The following CEP128 variants were observed in gnomAD, a reference collection of about 807,000 sequenced individuals.
CEP128 encodes centrosomal protein 128.
A neutral mutation model predicts 156.7 loss-of-function variants in CEP128; 132 were observed. The ratio of observed to expected loss-of-function variants is 0.84; its 90% CI spans 0.73 to 0.97. The LOEUF (loss-of-function observed/expected upper bound fraction) is 0.97, where lower values mean the gene tolerates loss of function less well. CEP128 is among the 50% of genes least tolerant of loss of function. The pLI, the probability that CEP128 is intolerant of heterozygous loss-of-function variation, is 0.00. For synonymous variants in CEP128, 469 were observed against 448.9 expected, an observed-to-expected ratio of 1.04 and a Z score of -0.57; for missense variants, 1,252 against 1,281.9, an observed-to-expected ratio of 0.98 and a Z score of 0.36.
chr14:80,528,257 TA>T (rs1051325693), intron 22 of CEP128, among the ~76,000 whole-genome samples: 93 of 152,366 alleles, frequency 6.1e-4, no homozygotes, highest in African/African-American at 2.1e-3. Context: ...ATCAAAAATG[TA>T]ATGTTTAAAT....
chr14:80,816,313 G>A lies in CEP128; in HGVS notation c.1209+14830C>T, dbSNP rs140061245. The stretch of plus-strand genomic sequence containing the variant: ...ATAGGGCTACAGATTCACCCACAGA[G>A]CGGCAGGCCCCTAGCTTGGTATTGC... On this transcript the variant is annotated intron_variant, in intron 13 of 24. Transcript: ENST00000555265. 5.1e-4 allele frequency among the ~76,000 whole-genome samples: 78 copies of A among 152,214 alleles called. 1 individual carries two copies. Among genetic ancestry groups the A allele is most frequent in the Middle Eastern group, 3.4e-3 (1 of 294 alleles).
chr14:80,641,260 A>T (rs1399667557), intron 19 of CEP128, among the ~76,000 whole-genome samples: 1 of 152,172 alleles, frequency 6.6e-6, no homozygotes, highest in Admixed American at 6.5e-5. Flanking sequence ...TCATTCTCTA[A>T]TGCAACTGCC....
chr14:80,937,049 G>A (rs1207534544), intron 2 of CEP128, among the ~76,000 whole-genome samples: 3 of 152,158 alleles, frequency 2.0e-5, no homozygotes, highest in African/African-American at 7.2e-5. Flanking sequence ...CAGGCGCAGT[G>A]GCCCATGCCT....
chr14:80,678,049 A>AAAATATATATATATATATAT, intron 19 of CEP128, among the ~76,000 whole-genome samples: 21 of 98,492 alleles, frequency 2.1e-4, no homozygotes, highest in African/African-American at 6.3e-4. Context: ...ATAAAAAAAA[A>AAAATATATATATATATATAT]ATATATATAT....
intron 19 of CEP128, among the ~76,000 whole-genome samples, chr14:80,740,301 G>C (rs906041213): frequency 1.3e-5 from 2 of 152,022 alleles, no homozygotes; most frequent in Non-Finnish European, 2.9e-5. Context: ...CTCTATGCTA[G>C]GTGATACATA....
At chr14:80,508,409 C>T (rs1230146983) in intron 23 of CEP128, among the ~76,000 whole-genome samples, 1 of 152,098 alleles carries the variant, frequency 6.6e-6, no homozygotes, top group Non-Finnish European at 1.5e-5. Flanking sequence ...TTATAAATAT[C>T]TATTTGTATG....
intron 13 of CEP128, among the ~76,000 whole-genome samples, chr14:80,824,999 C>T (rs1885392666): frequency 2.0e-5 from 3 of 152,102 alleles, no homozygotes; most frequent in South Asian, 2.1e-4. Context: ...TCAGAGTCAT[C>T]GCGGAAGGTG....
chr14:80,645,237 C>T (rs1021881954), intron 19 of CEP128, among the ~76,000 whole-genome samples: 4 of 152,070 alleles, frequency 2.6e-5, no homozygotes, highest in Admixed American at 2.0e-4. Context: ...AATGGTTTTA[C>T]TTTTTAAAAC....
At chr14:80,761,293 C>T (rs1899954148) in intron 17 of CEP128, 144 bp downstream of exon 17, 1 of 565,318 alleles carries the variant, frequency 1.8e-6, no homozygotes, top group Non-Finnish European at 3.0e-6. Flanking sequence ...GATCCAGCGC[C>T]TTATTCTAAA....
intron 19 of CEP128, among the ~76,000 whole-genome samples, chr14:80,616,761 G>A (rs1388438664): frequency 1.3e-5 from 2 of 152,138 alleles, no homozygotes; most frequent in East Asian, 3.9e-4. Context: ...AATCATCAAG[G>A]TGTAACTGTA....
intron 16 of CEP128, among the ~76,000 whole-genome samples, chr14:80,763,903 G>A (rs967694775): frequency 8.5e-5 from 13 of 152,240 alleles, no homozygotes; most frequent in Admixed American, 2.6e-4. Context: ...TCCTGATGGT[G>A]CAGTATTTTC....
chr14:80,895,303 G>A (rs1404126463), intron 8 of CEP128, among the ~76,000 whole-genome samples: 1 of 152,096 alleles, frequency 6.6e-6, no homozygotes, highest in Admixed American at 6.6e-5. Flanking sequence ...TTACACACAT[G>A]TGAGATGACC....
intron 19 of CEP128, among the ~76,000 whole-genome samples, chr14:80,590,881 C>T (rs985853241): frequency 5.3e-5 from 8 of 152,136 alleles, no homozygotes; most frequent in African/African-American, 1.2e-4. Context: ...GAATTTTCAA[C>T]CCAGAATTTC....
At chr14:80,712,868 C>G (rs1371757783) in intron 19 of CEP128, among the ~76,000 whole-genome samples, 1 of 152,062 alleles carries the variant, frequency 6.6e-6, no homozygotes, top group East Asian at 1.9e-4. Flanking sequence ...CTTGCATTTC[C>G]CCATTATATC....
chr14:80,740,531 TAGATAGATAGATAGACAGAC>T (rs1443056989), intron 19 of CEP128, among the ~76,000 whole-genome samples: 7 of 132,618 alleles, frequency 5.3e-5, no homozygotes, highest in African/African-American at 8.0e-5. Context: ...GATAGATAGA[TAGATAGATAGATAGACAGAC>T]AGATAGATAG....
At chr14:80,602,814 T>C (rs1892633813) in intron 19 of CEP128, among the ~76,000 whole-genome samples, 1 of 151,888 alleles carries the variant, frequency 6.6e-6, no homozygotes, top group Non-Finnish European at 1.5e-5. Flanking sequence ...GGAATGAAAT[T>C]ATACAAAGTA....
chr14:80,873,644 G>A (rs1307425473), intron 8 of CEP128, among the ~76,000 whole-genome samples: 1 of 152,058 alleles, frequency 6.6e-6, no homozygotes, highest in Non-Finnish European at 1.5e-5. Flanking sequence ...AAGGATATCT[G>A]AATTTAGATC....
intron 23 of CEP128, among the ~76,000 whole-genome samples, chr14:80,506,397 C>A (rs1887974651): frequency 1.7e-5 from 2 of 120,484 alleles, no homozygotes; most frequent in South Asian, 3.0e-4. Context: ...AGAAGGATGA[C>A]AAGCTTTGAT....
chr14:80,478,942 T>A (rs1426294692), intron 14 of CEP128, among the ~76,000 whole-genome samples: 1 of 152,168 alleles, frequency 6.6e-6, no homozygotes, highest in African/African-American at 2.4e-5. Context: ...TGCTGATTAA[T>A]AAATAGAGAT....
Sources: gnomAD v4.1 joint callset for allele counts (sites outside exome capture counted in the v4.1 genomes callset) on GRCh38, gnomAD v4.1.1 for gene constraint, MANE v1.5 for transcripts, NCBI Gene and HGNC (gene_info 2026-07-23, HGNC 2026-07-21) for gene names.